The following NALCN variants were observed in gnomAD, a reference collection of about 807,000 sequenced individuals.
The protein encoded by NALCN is sodium leak channel, non-selective.
In NALCN, 111 loss-of-function variants were observed where a neutral mutation model predicts 225.3. The observed-to-expected ratio is 0.49, with a 90% CI of 0.42 to 0.58. The LOEUF is 0.58. Among genes scored for constraint, NALCN ranks in the 20% least tolerant of loss-of-function variants. NALCN has a pLI of 0.00. For missense variants in NALCN, 1,378 were observed against 2,202.4 expected, an observed-to-expected ratio of 0.63 and a Z score of 7.49; for synonymous variants, 764 against 769.0, an observed-to-expected ratio of 0.99 and a Z score of 0.11.
At position 101,065,439 on chromosome 13, in the gene NALCN, G is replaced by A. The variant is rs1383531567; in HGVS notation, c.4569C>T (p.His1523=). 6.2e-7 allele frequency: 1 copy of A among 1,614,062 alleles called. No homozygotes were observed. The highest frequency in any genetic ancestry group is 1.3e-5 in the African/African-American group (1 of 74,936). The change falls in exon 40 of 44, where the codon CAC becomes CAT. Residue 1523 remains histidine (H), a synonymous_variant. Transcript: ENST00000251127. ...KHMCYEMERL[H]NGGDVTFHDV... is the part of the protein sequence containing the mutation. ...CATGGAAGGTGACGTCGCCGCCATTGTGGAGCCTCTCCATTTCGTAGCACA... is the reference window on the plus strand; with the variant it reads ...CATGGAAGGTGACGTCGCCGCCATTATGGAGCCTCTCCATTTCGTAGCACA...
intron 9 of NALCN, among the ~76,000 whole-genome samples, chr13:101,288,258 T>C (rs142742267): frequency 6.6e-6 from 1 of 152,306 alleles, no homozygotes; most frequent in East Asian, 1.9e-4. Flanking sequence ...TTCCCTGAAA[T>C]GCATTAATTG....
Position 101,057,987 on chromosome 13 carries a change from C to A in NALCN, c.4975G>T (p.Asp1659Tyr), listed in dbSNP as rs566302048. 6.2e-7 allele frequency: 1 copy of A among 1,613,920 alleles called. No individual in the cohort carries two copies. The highest frequency in any genetic ancestry group is 8.5e-7 in the Non-Finnish European group (1 of 1,180,022). Residue 1659 changes from aspartate (D) to tyrosine (Y), a missense_variant, in exon 43 of 44, where the codon GAC becomes TAC. By Grantham distance (160) the Asp-to-Tyr change is radical (BLOSUM62 -3). Transcript: ENST00000251127. The stretch of plus-strand genomic sequence containing the variant: ...AATTTCCTCTGGGGTTTCCCTGCGT[C>A]GGCTGCATCTTGCCGACTTCCTCCT... ...DRGGSRQDAADAGKPQRKFGQ... is the reference protein window; with the variant it reads ...DRGGSRQDAAYAGKPQRKFGQ...
intron 15 of NALCN, among the ~76,000 whole-genome samples, chr13:101,165,716 T>C (rs905093445): frequency 6.6e-6 from 1 of 152,236 alleles, no homozygotes; most frequent in Non-Finnish European, 1.5e-5. Context: ...GCTCAAACAA[T>C]GTGCTTACCT....
At chr13:101,059,659 A>G (rs1041939781) in intron 42 of NALCN, among the ~76,000 whole-genome samples, 159 bp downstream of exon 42, 1 of 146,722 alleles carries the variant, frequency 6.8e-6, no homozygotes, top group Non-Finnish European at 1.5e-5. Context: ...ATCTGGATCA[A>G]TGGATTTCCG....
intron 6 of NALCN, among the ~76,000 whole-genome samples, chr13:101,352,154 T>C (rs2045924298): frequency 6.6e-6 from 1 of 152,152 alleles, no homozygotes; most frequent in Non-Finnish European, 1.5e-5. Flanking sequence ...AGGAATAAAA[T>C]GGACTCAGGG....
chr13:101,243,032 G>A (rs2041798355), intron 11 of NALCN, among the ~76,000 whole-genome samples: 1 of 102,970 alleles, frequency 9.7e-6, no homozygotes, highest in African/African-American at 3.5e-5. Flanking sequence ...ACATGAGTAA[G>A]CATCTATTTT....
At chr13:101,153,261 T>C (rs2037740845) in intron 15 of NALCN, among the ~76,000 whole-genome samples, 1 of 152,188 alleles carries the variant, frequency 6.6e-6, no homozygotes, top group Non-Finnish European at 1.5e-5. Flanking sequence ...GCCTGTAATT[T>C]GAATTACTCA....
chr13:101,283,539 T>C (rs2043238591), intron 10 of NALCN, among the ~76,000 whole-genome samples: 2 of 152,134 alleles, frequency 1.3e-5, no homozygotes, highest in Non-Finnish European at 2.9e-5. Flanking sequence ...AGCTTCCAAA[T>C]GCAGAAAAAC....
At chr13:101,249,771 TA>T (rs2042008145) in intron 11 of NALCN, among the ~76,000 whole-genome samples, 1 of 152,054 alleles carries the variant, frequency 6.6e-6, no homozygotes, top group Non-Finnish European at 1.5e-5. Flanking sequence ...AAGGCATCTA[TA>T]AAAACCTACA....
intron 22 of NALCN, among the ~76,000 whole-genome samples, chr13:101,106,502 T>C (rs1007340796): frequency 6.6e-6 from 1 of 152,154 alleles, no homozygotes; most frequent in South Asian, 2.1e-4. Flanking sequence ...CTTCAGAATA[T>C]TTACTTAAAG....
rs577246046 is a variant in NALCN, at chr13:101,257,073, T to C, written c.1266+1370A>G. Among the ~76,000 whole-genome samples the C allele has an allele frequency of 2.0e-5, 3 of 152,314 alleles. No individual in the cohort carries two copies. The South Asian group carries it at 6.2e-4, about 32-fold the overall frequency. ...CCACCATACCCGACCTTCTCTCTGC[T>C]TTTATTGACAATCCATTCATCGTGT... is the stretch of plus-strand genomic sequence containing the variant. On this transcript the variant is annotated intron_variant, in intron 11 of 43. Coordinates refer to ENST00000251127, the MANE Select transcript of NALCN (RefSeq NM_052867.4).
rs372967589 is a variant in NALCN at position 101,055,331 on chromosome 13, C to T, written c.5181G>A (p.Glu1727=). ...GAAGGTCATCCCCACTTTCGTCGCTCTCCACAGTCAGCTGCCGGGTCCACC... is the reference window on the plus strand; with the variant it reads ...GAAGGTCATCCCCACTTTCGTCGCTTTCCACAGTCAGCTGCCGGGTCCACC... ...KKWWTRQLTV[E]SDESGDDLLD... The change falls in exon 44 of 44, where the codon GAG becomes GAA. Residue 1727 remains glutamate, a synonymous_variant. Coordinates refer to ENST00000251127, the MANE Select transcript of NALCN (RefSeq NM_052867.4). 1.2e-6 allele frequency: 2 copies of T among 1,613,986 alleles called. No individual in the cohort carries two copies. The highest frequency in any genetic ancestry group is 1.1e-5 in the South Asian group (1 of 91,024).
At chr13:101,298,693 A>G (rs1000257627) in intron 7 of NALCN, among the ~76,000 whole-genome samples, 2 of 152,226 alleles carry the variant, frequency 1.3e-5, no homozygotes, top group Non-Finnish European at 2.9e-5. Flanking sequence ...CACAAAATGT[A>G]AGTTTGGTAC....
chr13:101,290,097 A>C (rs1276225461), intron 9 of NALCN, among the ~76,000 whole-genome samples: 1 of 152,160 alleles, frequency 6.6e-6, no homozygotes, highest in Non-Finnish European at 1.5e-5. Flanking sequence ...TAGACGCATT[A>C]CCTCTGAATT....
rs142247969 is a variant in NALCN, at chr13:101,106,354, C to A, written c.2579+1133G>T. On this transcript the variant is annotated intron_variant, in intron 22 of 43. Coordinates refer to ENST00000251127, the MANE Select transcript of NALCN (RefSeq NM_052867.4). ...TTTTGTGGAGGGGGAACAATTCAGT[C>A]CATAACAGATAGTGATTATCATATG... 6.9e-3 allele frequency among the ~76,000 whole-genome samples: 1,054 copies of A among 152,198 alleles called. 9 individuals carry two copies. The highest frequency in any genetic ancestry group is 0.017 in the Admixed American group (261 of 15,278).
chr13:101,314,552 T>C (rs2044483260), intron 7 of NALCN, among the ~76,000 whole-genome samples: 1 of 152,176 alleles, frequency 6.6e-6, no homozygotes, highest in Non-Finnish European at 1.5e-5. Flanking sequence ...TCTAGTAAAA[T>C]ACAATCATAT....
At chr13:101,410,985 A>G (rs2047764595) in intron 1 of NALCN, among the ~76,000 whole-genome samples, 1 of 152,144 alleles carries the variant, frequency 6.6e-6, no homozygotes, top group African/African-American at 2.4e-5. Context: ...CAGTTCTTCA[A>G]TCTTGGAATT....
At chr13:101,074,843 C>G (rs1439556508) in intron 35 of NALCN, among the ~76,000 whole-genome samples, 181 bp from the exon 36 acceptor site, 1 of 152,144 alleles carries the variant, frequency 6.6e-6, no homozygotes, top group Non-Finnish European at 1.5e-5. Context: ...AAGTTGCTTT[C>G]TATAAGGTAT....
rs1198629542 is a variant in NALCN, at chr13:101,078,805, T to C, written c.3885+2722A>G. ...GTGAAGACATGAGATTTGGGAGGGGTCCAGGCAGAATGATATGGTTTAACT... is the reference window on the plus strand; with the variant it reads ...GTGAAGACATGAGATTTGGGAGGGGCCCAGGCAGAATGATATGGTTTAACT... On this transcript the variant is annotated intron_variant, in intron 34 of 43. Transcript: ENST00000251127. 2.6e-5 allele frequency among the ~76,000 whole-genome samples: 4 copies of C among 151,906 alleles called. No individual in the cohort carries two copies. The East Asian group carries it at 7.8e-4, about 30-fold the overall frequency.
Sources: allele counts gnomAD v4.1 joint callset (sites outside exome capture counted in the v4.1 genomes callset), GRCh38; gene constraint gnomAD v4.1.1; transcripts MANE v1.5; gene names NCBI Gene and HGNC (gene_info 2026-07-23, HGNC 2026-07-21).